MGA: variants seen among roughly 807,000 people sequenced by gnomAD.
The protein encoded by MGA is MAX dimerization protein MGA.
In MGA, 40 loss-of-function variants were observed where a neutral mutation model predicts 261.1. That is an observed-to-expected ratio of 0.15 (90% CI 0.12 to 0.20). The LOEUF (loss-of-function observed/expected upper bound fraction) is 0.20. Among genes scored for constraint, MGA ranks in the 10% least tolerant of loss-of-function variants. The pLI, the probability that MGA is intolerant of heterozygous loss-of-function variation, is 1.00. For missense variants in MGA, 3,397 were observed against 3,630.5 expected (o/e 0.94, Z 1.65); for synonymous variants, 1,302 against 1,290.6 (o/e 1.01, Z -0.19).
intron 15 of MGA, among the ~76,000 whole-genome samples, chr15:41,747,563 C>T (rs2062577703): frequency 6.7e-6 from 1 of 150,314 alleles, no homozygotes; most frequent in African/African-American, 2.4e-5. Flanking sequence ...AACTCCATCT[C>T]CACAAAAAAA....
Position 41,736,306 on chromosome 15 carries a change from C to T in MGA, c.4042C>T (p.Arg1348Trp), listed in dbSNP as rs751169367. Reference sequence around the variant, plus strand: ...CTCAGACTGCAACTGGGAGGAAGATCGGAACAAGATTTTGAGCATCTTATC... The same window carrying T: ...CTCAGACTGCAACTGGGAGGAAGATTGGAACAAGATTTTGAGCATCTTATC... Residue 1348 changes from arginine (R) to tryptophan (W), a missense_variant, in exon 13 of 24, where the codon CGG (arginine) becomes TGG (tryptophan). Physicochemically the swap from Arg to Trp is moderately radical, Grantham distance 101. Around this residue, in one of 9 missense-constraint regions of MGA, gnomAD observed 1,410 missense variants for 1,386.4 expected, o/e 1.02. Coordinates refer to ENST00000219905, the MANE Select transcript of MGA (RefSeq NM_001164273.2). 2 of 1,613,982 alleles carry T rather than the reference C, an allele frequency of 1.2e-6. No individual in the cohort carries two copies. Among genetic ancestry groups the T allele is most frequent in the Admixed American group, 1.7e-5 (1 of 60,012 alleles).
At chr15:41,755,177 TG>T (rs1178924874) in intron 18 of MGA, among the ~76,000 whole-genome samples, 2 of 152,196 alleles carry the variant, frequency 1.3e-5, no homozygotes, top group Non-Finnish European at 2.9e-5. Flanking sequence ...GATTATGGAT[TG>T]GGCTGTGAGA....
upstream of MGA, among the ~76,000 whole-genome samples, chr15:41,656,999 C>T (rs1013999554): frequency 6.6e-6 from 1 of 152,042 alleles, no homozygotes; most frequent in Non-Finnish European, 1.5e-5. Flanking sequence ...TTTTGAACTC[C>T]TGGGTTCATG....
chr15:41,729,510 C>G (rs1595890199), intron 11 of MGA, among the ~76,000 whole-genome samples, 161 bp downstream of exon 11: 1 of 152,072 alleles, frequency 6.6e-6, no homozygotes, highest in East Asian at 1.9e-4. Flanking sequence ...TATGATACGT[C>G]CCTTATGGTT....
At chr15:41,754,673 C>T in intron 18 of MGA, 106 bp downstream of exon 18, 1 of 1,281,266 alleles carries the variant, frequency 7.8e-7, no homozygotes, top group African/African-American at 1.5e-5. Flanking sequence ...GTTCCTTCTT[C>T]CTCTAGCTTT....
intron 9 of MGA, among the ~76,000 whole-genome samples, chr15:41,722,276 C>T (rs1257850445): frequency 9.9e-5 from 15 of 151,856 alleles, no homozygotes; most frequent in African/African-American, 3.4e-4. Flanking sequence ...ACTACAGGCG[C>T]CCGCCACCAC....
chr15:41,698,780 T>A, intron 3 of MGA, 83 bp from the exon 4 acceptor site: 1 of 1,093,832 alleles, frequency 9.1e-7, no homozygotes, highest in South Asian at 1.6e-5. Flanking sequence ...CCTTCTGGTC[T>A]TTAAGTTTTT....
chr15:41,675,635 T>G (rs1458873961), intron 2 of MGA, among the ~76,000 whole-genome samples: 2 of 152,176 alleles, frequency 1.3e-5, no homozygotes, highest in African/African-American at 4.8e-5. Flanking sequence ...CCTCAGCCTC[T>G]GAAATTGTTG....
intron 1 of MGA, among the ~76,000 whole-genome samples, chr15:41,645,115 A>G (rs1320342046): frequency 6.6e-6 from 1 of 152,178 alleles, no homozygotes; most frequent in African/African-American, 2.4e-5. Flanking sequence ...TTCAAAGTAA[A>G]TGTTCCTTAG....
At chr15:41,684,311 T>C in intron 2 of MGA, 2 of 429,914 alleles carry the variant, frequency 4.7e-6, no homozygotes, top group Non-Finnish European at 9.2e-6. Context: ...ATATGTAGTG[T>C]TATTTGTTGC....
intron 19 of MGA, among the ~76,000 whole-genome samples, chr15:41,758,744 G>A (rs2063285580): frequency 1.3e-5 from 2 of 152,060 alleles, no homozygotes; most frequent in Admixed American, 1.3e-4. Flanking sequence ...TGCATAATGG[G>A]TTTAACTTTA....
At chr15:41,631,302 T>C (rs2056583062) in intron 1 of MGA, among the ~76,000 whole-genome samples, 1 of 152,190 alleles carries the variant, frequency 6.6e-6, no homozygotes, top group African/African-American at 2.4e-5. Flanking sequence ...ATTTAGCTCT[T>C]TGTTTGATAT....
At chr15:41,761,890 T>C (rs756554728) in intron 21 of MGA, 40 bp downstream of exon 21, 22 of 1,388,358 alleles carry the variant, frequency 1.6e-5, no homozygotes, top group Non-Finnish European at 2.2e-5. Context: ...AGCATAATTA[T>C]AGCTTTATCA....
chr15:41,664,797 G>T (rs2057633631), intron 1 of MGA, among the ~76,000 whole-genome samples: 1 of 151,566 alleles, frequency 6.6e-6, no homozygotes, highest in Admixed American at 6.6e-5. Context: ...TACCTTATTT[G>T]TGACTTCCGT....
chr15:41,638,773 C>T (rs1453139584), intron 1 of MGA, among the ~76,000 whole-genome samples: 1 of 150,902 alleles, frequency 6.6e-6, no homozygotes, highest in Non-Finnish European at 1.5e-5. Flanking sequence ...TCACTGCAAC[C>T]TCTGCCTCCT....
chr15:41,751,519 T>G (rs2062832620), intron 17 of MGA: 1 of 151,856 alleles, frequency 6.6e-6, no homozygotes, highest in Non-Finnish European at 1.5e-5. Context: ...ACGTCAGGAG[T>G]TTGAGACTAG....
intron 5 of MGA, among the ~76,000 whole-genome samples, chr15:41,700,990 G>A (rs1371776469): frequency 1.3e-5 from 2 of 152,210 alleles, no homozygotes; most frequent in African/African-American, 4.8e-5. Context: ...AAGGCAGCTT[G>A]TGTGACAGTG....
upstream of MGA, among the ~76,000 whole-genome samples, chr15:41,655,404 C>T (rs1254104806): frequency 6.6e-6 from 1 of 152,030 alleles, no homozygotes; most frequent in Non-Finnish European, 1.5e-5. Flanking sequence ...AACTCCTGAC[C>T]TCAAGTGATC....
At chr15:41,715,052 G>A (rs116237916) in intron 9 of MGA, among the ~76,000 whole-genome samples, 1,938 of 150,348 alleles carry the variant, frequency 0.013, 38 homozygotes, top group African/African-American at 0.045. Flanking sequence ...TTTTGTTCAA[G>A]GTTCCCTCCC....
Sources: gnomAD v4.1 joint callset for allele counts (sites outside exome capture counted in the v4.1 genomes callset) on GRCh38, gnomAD v4.1.1 for gene constraint, gnomAD v4.1.1 regional missense constraint, MANE v1.5 for transcripts, NCBI Gene and HGNC (gene_info 2026-07-23, HGNC 2026-07-21) for gene names.